The following MYO10 variants were observed in gnomAD, a reference collection of about 807,000 sequenced individuals.
MYO10 encodes the protein myosin X.
Under a neutral mutation model 257.3 loss-of-function variants are expected in MYO10, and 133 were observed. That is an observed-to-expected ratio of 0.52 (90% CI 0.45 to 0.60). The LOEUF is 0.60. Among genes scored for constraint, MYO10 ranks in the 20% least tolerant of loss-of-function variants. The pLI is 0.00. For missense variants in MYO10, 2,399 were observed against 2,635.7 expected, an observed-to-expected ratio of 0.91 and a Z score of 1.97; for synonymous variants, 1,104 against 1,028.6, an observed-to-expected ratio of 1.07 and a Z score of -1.40.
intron 2 of MYO10, among the ~76,000 whole-genome samples, chr5:16,830,094 G>T (rs1263235329): frequency 2.6e-5 from 4 of 151,964 alleles, no homozygotes; most frequent in African/African-American, 9.7e-5. Context: ...AAATTAGCCG[G>T]GCGTCATGGT....
intron 19 of MYO10, among the ~76,000 whole-genome samples, chr5:16,732,906 C>T (rs13361391): frequency 5.3e-5 from 8 of 151,964 alleles, no homozygotes; most frequent in Admixed American, 2.6e-4. Context: ...GGCCGAGGTG[C>T]GCAGATCACT....
intron 3 of MYO10, among the ~76,000 whole-genome samples, chr5:16,806,272 G>A (rs578211146): frequency 1.7e-4 from 26 of 151,006 alleles, no homozygotes; most frequent in African/African-American, 6.3e-4. Flanking sequence ...ATCGGGAGGT[G>A]GAGGTTGCAG....
intron 33 of MYO10, among the ~76,000 whole-genome samples, chr5:16,679,161 G>T (rs1004898388): frequency 6.6e-6 from 1 of 152,222 alleles, no homozygotes; most frequent in African/African-American, 2.4e-5. Flanking sequence ...GGGATGCCAA[G>T]TGTTCTTCTA....
chr5:16,700,937 C>T, intron 25 of MYO10, 26 bp downstream of exon 25: 1 of 1,518,944 alleles, frequency 6.6e-7, no homozygotes, highest in East Asian at 2.5e-5. Flanking sequence ...ACCCATTTCA[C>T]TGGGACACGC....
intron 2 of MYO10, among the ~76,000 whole-genome samples, chr5:16,839,263 T>C (rs1252401062): frequency 6.6e-6 from 1 of 152,092 alleles, no homozygotes; most frequent in East Asian, 1.9e-4. Flanking sequence ...CTGTGATTCA[T>C]GAAAGGAGGT....
chr5:16,835,492 GTTTTTT>G (rs1554001242), intron 2 of MYO10, among the ~76,000 whole-genome samples: 17 of 81,060 alleles, frequency 2.1e-4, no homozygotes, highest in African/African-American at 7.4e-4. Context: ...ATTTTTGGCT[GTTTTTT>G]TTTTTTTTTT....
intron 2 of MYO10, among the ~76,000 whole-genome samples, chr5:16,840,816 G>A (rs1351996422): frequency 1.3e-5 from 2 of 152,028 alleles, no homozygotes; most frequent in Admixed American, 6.6e-5. Flanking sequence ...ATCCAACATA[G>A]GGAGAGTTAT....
At chr5:16,680,490 C>CT (rs1192298488) in intron 32 of MYO10, among the ~76,000 whole-genome samples, 3 of 152,078 alleles carry the variant, frequency 2.0e-5, no homozygotes, top group South Asian at 2.1e-4. Flanking sequence ...CCTTTCCTTT[C>CT]TTTAGCCTCT....
At chr5:16,735,307 A>G (rs1418534386) in intron 19 of MYO10, among the ~76,000 whole-genome samples, 1 of 152,198 alleles carries the variant, frequency 6.6e-6, no homozygotes, top group South Asian at 2.1e-4. Context: ...GAATTGCTAT[A>G]GAGTCATCAG....
intron 2 of MYO10, among the ~76,000 whole-genome samples, chr5:16,839,368 G>C (rs999018584): frequency 6.6e-6 from 1 of 152,158 alleles, no homozygotes; most frequent in Non-Finnish European, 1.5e-5. Flanking sequence ...AGTCATTGCA[G>C]ATGTGGTGGG....
At chr5:16,777,406 A>AATG (rs1203338242) in intron 9 of MYO10, among the ~76,000 whole-genome samples, 3 of 152,270 alleles carry the variant, frequency 2.0e-5, no homozygotes, top group Admixed American at 6.5e-5. Flanking sequence ...GCCATAGAGA[A>AATG]ATGATGCATG....
chr5:16,864,400 A>T (rs1744186645), intron 2 of MYO10, among the ~76,000 whole-genome samples: 1 of 152,164 alleles, frequency 6.6e-6, no homozygotes, highest in African/African-American at 2.4e-5. Flanking sequence ...GAGACAGAAA[A>T]AAATCTAACA....
At position 16,666,424 on chromosome 5, in the gene MYO10, G is replaced by C; in HGVS notation, c.*268C>G. 1 of 392,334 alleles carries C rather than the reference G, an allele frequency of 2.5e-6. No individual in the cohort carries two copies. Among genetic ancestry groups the C allele is most frequent in the African/African-American group, 2.1e-5 (1 of 48,308 alleles). 24.3% of individuals were successfully genotyped at this position (392,334 alleles called of 1,614,324 possible). On this transcript the variant is annotated 3_prime_UTR_variant, in exon 41 of 41. Coordinates refer to ENST00000513610, the MANE Select transcript of MYO10 (RefSeq NM_012334.3). ...CTTCCGGCTGCTTTGGTGGCAGCGT[G>C]GTTCCTCCCCTCCTTTTTTAAGGCA...
Position 16,723,922 on chromosome 5 carries a change from G to A in MYO10, c.1930-12677C>T, listed in dbSNP as rs1579909486. On this transcript the variant is annotated intron_variant, in intron 19 of 40. Coordinates refer to ENST00000513610, the MANE Select transcript of MYO10 (RefSeq NM_012334.3). Reference sequence around the variant, plus strand: ...AAGAGACAAAACTTCAGAGACAGTAGAACAATCAGTGGTTGCCAGGGGTCG... The same window carrying A: ...AAGAGACAAAACTTCAGAGACAGTAAAACAATCAGTGGTTGCCAGGGGTCG... 1.3e-5 allele frequency among the ~76,000 whole-genome samples: 2 copies of A among 152,140 alleles called. 1 individual carries two copies. The highest frequency in any genetic ancestry group is 4.1e-4 in the South Asian group (2 of 4,822).
intron 1 of MYO10, among the ~76,000 whole-genome samples, chr5:16,923,050 A>G (rs911801479): frequency 2.0e-5 from 3 of 151,990 alleles, no homozygotes; most frequent in African/African-American, 4.8e-5. Flanking sequence ...AGAAAAGGAA[A>G]AAGAGAAGAG....
At chr5:16,727,600 G>A (rs1290063474) in intron 19 of MYO10, among the ~76,000 whole-genome samples, 2 of 152,156 alleles carry the variant, frequency 1.3e-5, no homozygotes, top group Admixed American at 6.6e-5. Flanking sequence ...CAAATAAAGT[G>A]TCAAATAATC....
chr5:16,827,898 G>A (rs897766028), intron 2 of MYO10, among the ~76,000 whole-genome samples: 3 of 152,138 alleles, frequency 2.0e-5, no homozygotes, highest in Non-Finnish European at 4.4e-5. Context: ...AATTCACAGA[G>A]GATCAGAGAA....
chr5:16,745,345 C>T (rs934575070), intron 19 of MYO10, among the ~76,000 whole-genome samples: 1 of 151,894 alleles, frequency 6.6e-6, no homozygotes, highest in Non-Finnish European at 1.5e-5. Context: ...CATCTCAAAA[C>T]AAAAATAAAA....
chr5:16,859,175 C>T (rs761613868), intron 2 of MYO10, among the ~76,000 whole-genome samples: 2 of 152,172 alleles, frequency 1.3e-5, no homozygotes, highest in Admixed American at 6.5e-5. Context: ...CAAACTACCA[C>T]AGACTGGATG....
Sources: gnomAD v4.1 joint callset for allele counts (sites outside exome capture counted in the v4.1 genomes callset) on GRCh38, gnomAD v4.1.1 for gene constraint, MANE v1.5 for transcripts, NCBI Gene and HGNC (gene_info 2026-07-23, HGNC 2026-07-21) for gene names.